Variants in PXDNL observed in about 807,000 individuals in gnomAD.
PXDNL encodes the protein peroxidasin like.
In PXDNL, 145 loss-of-function variants were observed where a neutral mutation model predicts 150.8. The observed-to-expected ratio is 0.96, with a 90% CI of 0.84 to 1.10. PXDNL has a LOEUF of 1.10. Among genes scored for constraint, PXDNL ranks in the 50% least tolerant of loss-of-function variants. The probability of loss-of-function intolerance (pLI) is 0.00; values close to 1 mark genes in which losing one functional copy is unlikely to be tolerated. For missense variants in PXDNL, 2,087 were observed against 1,873.9 expected (o/e 1.11, Z -2.10); for synonymous variants, 757 against 725.7 (o/e 1.04, Z -0.69).
At chr8:51,510,841 T>G (rs1811399657) in intron 4 of PXDNL, among the ~76,000 whole-genome samples, 1 of 152,162 alleles carries the variant, frequency 6.6e-6, no homozygotes, top group Non-Finnish European at 1.5e-5. Flanking sequence ...TGTTTGCCTG[T>G]GAACACTGAG....
At chr8:51,653,793 C>T (rs367589592) in intron 2 of PXDNL, among the ~76,000 whole-genome samples, 2 of 140,566 alleles carry the variant, frequency 1.4e-5, no homozygotes, top group African/African-American at 4.9e-5. Context: ...AAATTGCTAA[C>T]TCTATCATGA....
At chr8:51,436,211 G>C (rs1809404094) in intron 12 of PXDNL, 13 of 521,588 alleles carry the variant, frequency 2.5e-5, no homozygotes, top group South Asian at 1.8e-4. Context: ...CCATTCGTGG[G>C]CCATGTGTTG....
intron 19 of PXDNL, among the ~76,000 whole-genome samples, chr8:51,370,917 G>A (rs1807089856): frequency 6.6e-6 from 1 of 152,138 alleles, no homozygotes; most frequent in South Asian, 2.1e-4. Flanking sequence ...CACACTTCTA[G>A]CAGTGGCTTT....
At chr8:51,443,785 C>T (rs142660496) in intron 12 of PXDNL, among the ~76,000 whole-genome samples, 1,754 of 152,288 alleles carry the variant, frequency 0.012, 21 homozygotes, top group Non-Finnish European at 0.018. Flanking sequence ...TATTACCTCA[C>T]AAAGACATGT....
intron 3 of PXDNL, among the ~76,000 whole-genome samples, chr8:51,560,663 G>A (rs184268288): frequency 1.7e-3 from 256 of 151,870 alleles, no homozygotes; most frequent in African/African-American, 5.3e-3. Context: ...AAAATGAAGC[G>A]AAGACCTAAA....
rs1810427257 is a variant in PXDNL at position 51,474,496 on chromosome 8, A to G, written c.694+476T>C. 2.0e-5 allele frequency among the ~76,000 whole-genome samples: 3 copies of G among 152,204 alleles called. No homozygotes were observed. The South Asian group carries it at 6.2e-4, about 31-fold the overall frequency. On this transcript the variant is annotated intron_variant, in intron 7 of 22. Coordinates refer to ENST00000356297, the MANE Select transcript of PXDNL (RefSeq NM_144651.5). ...CAAAGAGATGGTAAAACTGATTTTCATTATTTTAGTCGTATTCATGGTCCC... is the reference window on the plus strand; with the variant it reads ...CAAAGAGATGGTAAAACTGATTTTCGTTATTTTAGTCGTATTCATGGTCCC...
intron 1 of PXDNL, among the ~76,000 whole-genome samples, chr8:51,691,287 G>T (rs1189955122): frequency 6.6e-6 from 1 of 152,154 alleles, no homozygotes; most frequent in African/African-American, 2.4e-5. Flanking sequence ...TTGTTCTAGG[G>T]TTTTTATGGT....
intron 8 of PXDNL, among the ~76,000 whole-genome samples, chr8:51,460,860 C>T (rs1810062220): frequency 6.6e-6 from 1 of 152,092 alleles, no homozygotes; most frequent in South Asian, 2.1e-4. Context: ...GTGCCCATGC[C>T]CCAAGGCTCT....
intron 1 of PXDNL, among the ~76,000 whole-genome samples, chr8:51,803,073 G>C (rs2037637520): frequency 6.6e-6 from 1 of 152,314 alleles, no homozygotes. Context: ...GGGGCCAGAA[G>C]CATCAATGTC....
At chr8:51,658,281 A>G (rs1262088966) in intron 1 of PXDNL, among the ~76,000 whole-genome samples, 1 of 149,688 alleles carries the variant, frequency 6.7e-6, no homozygotes, top group Non-Finnish European at 1.5e-5. Context: ...GGTAAAAGCT[A>G]TAATGAGCCG....
chr8:51,706,438 C>A (rs1035451194), intron 1 of PXDNL, among the ~76,000 whole-genome samples: 1 of 152,142 alleles, frequency 6.6e-6, no homozygotes, highest in African/African-American at 2.4e-5. Context: ...GGAATTCACA[C>A]AGGAGGAACA....
chr8:51,682,820 G>A lies in PXDNL; in HGVS notation c.165-28060C>T, dbSNP rs760022195. ...AATCCAGAGGTTATCAGCATTTCCCGAAGGGCTTGTTAAGAAGGGATTGCT... is the reference window on the plus strand; with the variant it reads ...AATCCAGAGGTTATCAGCATTTCCCAAAGGGCTTGTTAAGAAGGGATTGCT... On this transcript the variant is annotated intron_variant, in intron 1 of 22. Coordinates refer to ENST00000356297, the MANE Select transcript of PXDNL (RefSeq NM_144651.5). Among the ~76,000 whole-genome samples, 88 of 151,876 alleles carry A rather than the reference G, an allele frequency of 5.8e-4. 2 individuals carry two copies. Among genetic ancestry groups the A allele is most frequent in the Non-Finnish European group, 2.8e-4 (19 of 67,990 alleles).
At chr8:51,358,867 C>T (rs1036198291) in intron 19 of PXDNL, among the ~76,000 whole-genome samples, 2 of 152,184 alleles carry the variant, frequency 1.3e-5, no homozygotes, top group African/African-American at 4.8e-5. Context: ...GCACACAATC[C>T]TCCTAAAGGC....
At chr8:51,402,044 G>C (rs1808263311) in intron 17 of PXDNL, among the ~76,000 whole-genome samples, 1 of 152,186 alleles carries the variant, frequency 6.6e-6, no homozygotes, top group Non-Finnish European at 1.5e-5. Flanking sequence ...GGAAGACAAA[G>C]ACAGAGAATG....
intron 1 of PXDNL, among the ~76,000 whole-genome samples, chr8:51,688,600 A>T (rs1815923569): frequency 6.6e-6 from 1 of 152,156 alleles, no homozygotes; most frequent in Non-Finnish European, 1.5e-5. Flanking sequence ...CAGCAACAAC[A>T]TCCAATGGTA....
intron 20 of PXDNL, 71 bp downstream of exon 20, chr8:51,345,762 A>G: frequency 1.1e-6 from 1 of 873,938 alleles, no homozygotes; most frequent in East Asian, 2.5e-5. Context: ...TAAAAAAGAT[A>G]AAAACAAATT....
At chr8:51,343,035 A>G (rs1484325767) in intron 20 of PXDNL, among the ~76,000 whole-genome samples, 1 of 152,150 alleles carries the variant, frequency 6.6e-6, no homozygotes, top group Admixed American at 6.5e-5. Context: ...TAGGAAGGTT[A>G]TTGCAAAAAA....
intron 4 of PXDNL, among the ~76,000 whole-genome samples, chr8:51,527,529 T>C (rs1368351987): frequency 1.3e-5 from 2 of 152,208 alleles, no homozygotes; most frequent in Non-Finnish European, 2.9e-5. Context: ...CGATTTGTTC[T>C]ACAACAACCC....
intron 1 of PXDNL, among the ~76,000 whole-genome samples, chr8:51,727,974 T>G (rs1816845354): frequency 1.3e-5 from 2 of 152,236 alleles, no homozygotes. Context: ...AAGTTAAAAG[T>G]AAAATTTTGT....
Sources: gnomAD v4.1 joint callset for allele counts (sites outside exome capture counted in the v4.1 genomes callset) on GRCh38, gnomAD v4.1.1 for gene constraint, MANE v1.5 for transcripts, NCBI Gene and HGNC (gene_info 2026-07-23, HGNC 2026-07-21) for gene names.